The following GRK7 variants were observed in gnomAD, a reference collection of about 807,000 sequenced individuals.
GRK7 encodes the protein rhodopsin kinase GRK7.
Under a neutral mutation model 34.1 loss-of-function variants are expected in GRK7, and 24 were observed. The observed-to-expected ratio is 0.70, with a 90% confidence interval of 0.51 to 0.99. GRK7 has a LOEUF of 0.99. Ranked by LOEUF, GRK7 falls within the 50% of genes least tolerant of loss-of-function variation. The pLI is 0.00. For synonymous variants in GRK7, 256 were observed against 279.4 expected, an observed-to-expected ratio of 0.92 and a Z score of 0.84; for missense variants, 644 against 707.3, an observed-to-expected ratio of 0.91 and a Z score of 1.02.
chr3:141,807,658 G>GT lies in GRK7; in HGVS notation c.1066dup (p.Tyr356LeufsTer5). The GT allele has an allele frequency of 6.2e-7, 1 of 1,613,984 alleles. No individual in the cohort carries two copies. The highest frequency in any genetic ancestry group is 1.1e-5 in the South Asian group (1 of 91,072). On this transcript the variant is annotated frameshift_variant, in exon 5 of 6. Coordinates refer to ENST00000682958, the MANE Select transcript of GRK7 (RefSeq NM_139209.3). LOFTEE classifies it high-confidence loss of function. ...GGGATGTTACAGGCTGGAACCAATG[G>GT]TTACATGGCTCCTGAGATCCTAATG...
chr3:141,771,278 G>A (rs79899609), intron 1 of GRK7, among the ~76,000 whole-genome samples: 7,379 of 152,152 alleles, frequency 0.048, 170 homozygotes, highest in South Asian at 0.086. Flanking sequence ...AAAAAGAATG[G>A]AATCATGTCT....
chr3:141,805,533 C>T (rs960875428), intron 4 of GRK7, among the ~76,000 whole-genome samples: 2 of 152,162 alleles, frequency 1.3e-5, no homozygotes, highest in Non-Finnish European at 2.9e-5. Flanking sequence ...CCAAGCAAAC[C>T]GGAACATATG....
chr3:141,803,790 C>T (rs528367113), intron 4 of GRK7, among the ~76,000 whole-genome samples: 62 of 152,282 alleles, frequency 4.1e-4, no homozygotes, highest in African/African-American at 1.3e-3. Flanking sequence ...GGCACCATCT[C>T]GGCTCACTGC....
intron 4 of GRK7, among the ~76,000 whole-genome samples, chr3:141,805,927 G>A (rs1184851628): frequency 6.6e-6 from 1 of 152,120 alleles, no homozygotes. Flanking sequence ...CTTTTGAGTA[G>A]CTGGGACTAC....
chr3:141,812,311 C>A (rs1006749744), intron 5 of GRK7, among the ~76,000 whole-genome samples: 5 of 152,240 alleles, frequency 3.3e-5, no homozygotes, highest in African/African-American at 9.6e-5. Flanking sequence ...ACAGCCTCTC[C>A]TATTTGTTCA....
At chr3:141,806,711 A>G (rs993029185) in intron 4 of GRK7, among the ~76,000 whole-genome samples, 1 of 151,862 alleles carries the variant, frequency 6.6e-6, no homozygotes, top group Non-Finnish European at 1.5e-5. Context: ...GAGAAAGTAA[A>G]ATGGTGGTTG....
chr3:141,792,489 T>C (rs2084729329), intron 4 of GRK7, among the ~76,000 whole-genome samples: 1 of 151,666 alleles, frequency 6.6e-6, no homozygotes, highest in African/African-American at 2.4e-5. Context: ...ACATGGTACA[T>C]TGGGCTCTCC....
the GRK7 span, among the ~76,000 whole-genome samples, chr3:141,755,688 C>T: frequency 1.6e-3 from 240 of 152,168 alleles, no homozygotes; most frequent in African/African-American, 5.6e-3. Context: ...AACACTAAGT[C>T]TTGATGAACA....
intron 4 of GRK7, among the ~76,000 whole-genome samples, chr3:141,795,359 G>A (rs1202316871): frequency 6.6e-6 from 1 of 152,154 alleles, no homozygotes; most frequent in African/African-American, 2.4e-5. Flanking sequence ...GAATAGCACA[G>A]CCCCCAACAC....
intron 5 of GRK7, among the ~76,000 whole-genome samples, chr3:141,812,486 C>T (rs562517673): frequency 2.0e-5 from 3 of 152,322 alleles, no homozygotes; most frequent in African/African-American, 7.2e-5. Flanking sequence ...GCCACAAGAA[C>T]AAGGAATAGA....
chr3:141,795,926 G>C (rs916944238), intron 4 of GRK7, among the ~76,000 whole-genome samples: 2 of 152,150 alleles, frequency 1.3e-5, no homozygotes, highest in African/African-American at 2.4e-5. Flanking sequence ...CTGGGCCAGG[G>C]GGTCTGCAGG....
upstream of GRK7, among the ~76,000 whole-genome samples, chr3:141,759,118 T>A (rs1485599890): frequency 7.0e-6 from 1 of 143,764 alleles, no homozygotes; most frequent in Non-Finnish European, 1.5e-5. Flanking sequence ...CAATTTGACT[T>A]CCTCTTTTCC....
chr3:141,774,276 G>A (rs2084629014), intron 1 of GRK7, among the ~76,000 whole-genome samples: 1 of 151,910 alleles, frequency 6.6e-6, no homozygotes, highest in South Asian at 2.1e-4. Context: ...ACAAAAATTA[G>A]CCAGGTGTGA....
intron 4 of GRK7, among the ~76,000 whole-genome samples, chr3:141,798,520 C>T (rs967751872): frequency 1.3e-5 from 2 of 152,226 alleles, no homozygotes; most frequent in African/African-American, 4.8e-5. Context: ...CCCTACAGCC[C>T]TGGGCATGGC....
At chr3:141,767,283 G>A (rs1186202902) in intron 1 of GRK7, among the ~76,000 whole-genome samples, 1 of 152,082 alleles carries the variant, frequency 6.6e-6, no homozygotes, top group Non-Finnish European at 1.5e-5. Context: ...TTCTCTTTCA[G>A]ATACACAATG....
At chr3:141,776,673 T>C (rs2084640796) in intron 2 of GRK7, among the ~76,000 whole-genome samples, 2 of 152,168 alleles carry the variant, frequency 1.3e-5, no homozygotes, top group Admixed American at 1.3e-4. Context: ...GCCAAGTGTG[T>C]ATGTGCTCTA....
At chr3:141,805,005 CACACACTCAT>C (rs577980603) in intron 4 of GRK7, among the ~76,000 whole-genome samples, 89 of 151,628 alleles carry the variant, frequency 5.9e-4, no homozygotes, top group African/African-American at 2.1e-3. Flanking sequence ...CATACACTCA[CACACACTCAT>C]ACACCCACAC....
At chr3:141,797,391 G>A (rs187966663) in intron 4 of GRK7, among the ~76,000 whole-genome samples, 1 of 152,178 alleles carries the variant, frequency 6.6e-6, no homozygotes, top group Admixed American at 6.5e-5. Context: ...TCCCAGGGCC[G>A]CATTCCTCCG....
chr3:141,782,523 AC>A (rs1195079185), intron 4 of GRK7, among the ~76,000 whole-genome samples: 4 of 152,180 alleles, frequency 2.6e-5, no homozygotes, highest in Non-Finnish European at 5.9e-5. Flanking sequence ...GTGGAGGAAG[AC>A]CTGGGATAGA....
Sources: gnomAD v4.1 joint callset for allele counts (sites outside exome capture counted in the v4.1 genomes callset) on GRCh38, gnomAD v4.1.1 for gene constraint, MANE v1.5 for transcripts, NCBI Gene and HGNC (gene_info 2026-07-23, HGNC 2026-07-21) for gene names.